The following PHF24 variants were observed in gnomAD, a reference collection of about 807,000 sequenced individuals.
PHF24 encodes the protein Galpha inhibitory interacting protein.
PHF24 carries 25 observed loss-of-function variants against 42.6 expected under a neutral mutation model. That is an observed-to-expected ratio of 0.59 (90% confidence interval 0.43 to 0.82). The LOEUF is 0.82. Among genes scored for constraint, PHF24 ranks in the 40% least tolerant of loss-of-function variants. The probability of loss-of-function intolerance (pLI) is 0.00; values close to 1 mark genes in which losing one functional copy is unlikely to be tolerated. For missense variants in PHF24, 470 were observed against 538.1 expected (o/e 0.87, Z 1.25); for synonymous variants, 185 against 204.8 (o/e 0.90, Z 0.83).
At chr9:34,761,330 G>A in the PHF24 span, among the ~76,000 whole-genome samples, 12 of 151,300 alleles carry the variant, frequency 7.9e-5, no homozygotes, top group Admixed American at 7.9e-4. Context: ...TTTAATAGAT[G>A]GGGTATGATT....
At chr9:34,717,891 G>A in the PHF24 span, among the ~76,000 whole-genome samples, 2 of 152,166 alleles carry the variant, frequency 1.3e-5, no homozygotes, top group East Asian at 1.9e-4. Flanking sequence ...CTTCCTTGAC[G>A]TGTTTGTCCT....
the PHF24 span, among the ~76,000 whole-genome samples, chr9:34,850,690 T>G: frequency 1.3e-5 from 2 of 152,226 alleles, no homozygotes; most frequent in Non-Finnish European, 2.9e-5. Flanking sequence ...TTTTAGAGTT[T>G]CCAGTTTTTC....
At chr9:34,886,175 C>T in the PHF24 span, among the ~76,000 whole-genome samples, 1 of 151,852 alleles carries the variant, frequency 6.6e-6, no homozygotes, top group African/African-American at 2.4e-5. Flanking sequence ...AGAAATTCTC[C>T]CCTTGCTGTC....
chr9:34,804,453 A>G, the PHF24 span, among the ~76,000 whole-genome samples: 8 of 152,352 alleles, frequency 5.3e-5, no homozygotes, highest in South Asian at 1.7e-3. Flanking sequence ...GAATTTCAGC[A>G]TTAAACGATT....
At chr9:34,744,764 G>C in the PHF24 span, among the ~76,000 whole-genome samples, 1 of 152,082 alleles carries the variant, frequency 6.6e-6, no homozygotes, top group Non-Finnish European at 1.5e-5. Context: ...AAAAAAGGTT[G>C]GGAGCTGCTG....
chr9:34,844,147 G>C, the PHF24 span, among the ~76,000 whole-genome samples: 1 of 151,776 alleles, frequency 6.6e-6, no homozygotes, highest in Non-Finnish European at 1.5e-5. Flanking sequence ...TAATGTTTCC[G>C]CTTTCATTCT....
exon 8 of PHF24, chr9:34,981,336 A>G (rs1342790352): frequency 6.6e-6 from 1 of 152,204 alleles, no homozygotes; most frequent in Non-Finnish European, 1.5e-5. Context: ...ACAGCATTAA[A>G]CTGCCTGGGA....
At chr9:34,832,349 A>G in the PHF24 span, 1 of 733,520 alleles carries the variant, frequency 1.4e-6, no homozygotes, top group South Asian at 1.7e-5. Flanking sequence ...AGTGACGAGG[A>G]CAGTGGTGGG....
chr9:34,904,424 T>C, the PHF24 span, among the ~76,000 whole-genome samples: 2 of 152,196 alleles, frequency 1.3e-5, no homozygotes, highest in Non-Finnish European at 2.9e-5. Context: ...CTTAGAGTTT[T>C]AATCATAAAG....
upstream of PHF24, among the ~76,000 whole-genome samples, chr9:34,952,679 C>A (rs987547381): frequency 5.3e-5 from 8 of 152,172 alleles, no homozygotes; most frequent in African/African-American, 1.9e-4. Context: ...TAGATCAACA[C>A]AGCAGAATAG....
chr9:34,824,342 C>T, the PHF24 span, among the ~76,000 whole-genome samples: 1 of 152,198 alleles, frequency 6.6e-6, no homozygotes, highest in African/African-American at 2.4e-5. Context: ...TCCTGAGCTC[C>T]TGGGGAAATA....
At chr9:34,912,683 C>A in the PHF24 span, among the ~76,000 whole-genome samples, 1 of 152,194 alleles carries the variant, frequency 6.6e-6, no homozygotes, top group Non-Finnish European at 1.5e-5. Flanking sequence ...CAGAAAGTGA[C>A]AGAACTTTCC....
At chr9:34,713,132 G>T in the PHF24 span, among the ~76,000 whole-genome samples, 34,819 of 152,066 alleles carry the variant, frequency 0.23, 4,777 homozygotes, top group African/African-American at 0.38. Context: ...TTTTTCAAAC[G>T]GTTTTTTGCA....
At chr9:34,909,805 G>A in the PHF24 span, among the ~76,000 whole-genome samples, 45 of 152,116 alleles carry the variant, frequency 3.0e-4, no homozygotes, top group East Asian at 8.0e-3. Context: ...CTGTTTTTTG[G>A]TAGAGACGGG....
At chr9:34,754,846 A>G in the PHF24 span, among the ~76,000 whole-genome samples, 4 of 152,246 alleles carry the variant, frequency 2.6e-5, no homozygotes, top group African/African-American at 9.6e-5. Flanking sequence ...TATGGTACAT[A>G]CACACAACAG....
chr9:34,793,335 T>C, the PHF24 span, among the ~76,000 whole-genome samples: 1 of 152,184 alleles, frequency 6.6e-6, no homozygotes, highest in African/African-American at 2.4e-5. Context: ...TTTCACACTG[T>C]GTCAAAAAGT....
chr9:34,723,513 C>T, the PHF24 span: 1 of 1,551,808 alleles, frequency 6.4e-7, no homozygotes, highest in Non-Finnish European at 8.7e-7. Context: ...CTGGTTTTGG[C>T]CACCTTCGCA....
At chr9:34,723,309 C>G in the PHF24 span, 26 of 1,551,550 alleles carry the variant, frequency 1.7e-5, no homozygotes, top group Admixed American at 4.7e-4. Context: ...TAGCCCAGGG[C>G]TGAGGCAGAG....
the PHF24 span, among the ~76,000 whole-genome samples, chr9:34,809,746 C>T: frequency 1.3e-5 from 2 of 152,294 alleles, no homozygotes; most frequent in East Asian, 1.9e-4. This position sits in a 1 kb window ranked among gnomAD's most constrained non-coding sequence, Gnocchi z 4.1. Context: ...TCCGGGCGGA[C>T]ACTGTTCTTG....
Sources: allele counts gnomAD v4.1 joint callset (sites outside exome capture counted in the v4.1 genomes callset), GRCh38; gene constraint gnomAD v4.1.1; non-coding constraint Gnocchi (gnomAD v3.1); transcripts MANE v1.5; gene names NCBI Gene and HGNC (gene_info 2026-07-23, HGNC 2026-07-21).